LINGO2: variants seen among roughly 807,000 people sequenced by gnomAD.
The protein encoded by LINGO2 is leucine rich repeat and Ig domain containing 2, also known as leucine-rich repeat and immunoglobulin-like domain-containing nogo receptor-interacting protein 2.
A neutral mutation model predicts 30.6 loss-of-function variants in LINGO2; 14 were observed. That is an observed-to-expected ratio of 0.46 (90% confidence interval 0.30 to 0.72). The LOEUF is 0.72. Ranked by LOEUF, LINGO2 falls within the 30% of genes least tolerant of loss-of-function variation. The probability of loss-of-function intolerance (pLI) is 0.07; values close to 1 mark genes in which losing one functional copy is unlikely to be tolerated. For synonymous variants in LINGO2, 317 were observed against 288.5 expected, an observed-to-expected ratio of 1.10 and a Z score of -1.00; for missense variants, 729 against 751.7, an observed-to-expected ratio of 0.97 and a Z score of 0.35.
the LINGO2 span, among the ~76,000 whole-genome samples, chr9:28,953,643 A>G: frequency 3.3e-5 from 5 of 152,092 alleles, no homozygotes; most frequent in African/African-American, 9.7e-5. Context: ...CCTGTGTGAT[A>G]TATTATTTTA....
chr9:28,634,479 TTTTTTC>T (rs1827155311), intron 1 of LINGO2, among the ~76,000 whole-genome samples: 1 of 137,270 alleles, frequency 7.3e-6, no homozygotes, highest in South Asian at 2.2e-4. Flanking sequence ...TTTCTTTTCT[TTTTTTC>T]TTTTTTTTTT....
the LINGO2 span, among the ~76,000 whole-genome samples, chr9:28,708,139 A>G: frequency 1.3e-5 from 2 of 152,186 alleles, no homozygotes; most frequent in Non-Finnish European, 2.9e-5. Flanking sequence ...GTTATGTGAC[A>G]ATAAGAATAA....
chr9:28,539,748 TA>T (rs1821593209), intron 1 of LINGO2, among the ~76,000 whole-genome samples: 1 of 152,216 alleles, frequency 6.6e-6, no homozygotes, highest in African/African-American at 2.4e-5. Context: ...TCCCTGATGC[TA>T]AAAGGACAAG....
intron 4 of LINGO2, among the ~76,000 whole-genome samples, chr9:28,227,911 C>T (rs917115455): frequency 2.6e-5 from 4 of 152,066 alleles, no homozygotes; most frequent in African/African-American, 9.6e-5. Flanking sequence ...AGCAAAAAGC[C>T]ACAACACTTT....
At chr9:28,516,165 G>A (rs182867181) in intron 1 of LINGO2, among the ~76,000 whole-genome samples, 15 of 152,220 alleles carry the variant, frequency 9.9e-5, no homozygotes, top group African/African-American at 3.1e-4. Context: ...ACTTTTATAT[G>A]TACTGGGAAA....
chr9:28,550,918 C>A (rs1358927770), intron 1 of LINGO2, among the ~76,000 whole-genome samples: 1 of 151,516 alleles, frequency 6.6e-6, no homozygotes, highest in African/African-American at 2.4e-5. Context: ...TAAATATGTA[C>A]AAAAGAATGA....
intron 2 of LINGO2, among the ~76,000 whole-genome samples, chr9:28,374,224 A>ATG (rs1821030793): frequency 6.8e-6 from 1 of 146,426 alleles, no homozygotes; most frequent in Non-Finnish European, 1.5e-5. Flanking sequence ...ATATATATAT[A>ATG]TATATATGTA....
chr9:28,136,646 C>T (rs1359031657), intron 4 of LINGO2, among the ~76,000 whole-genome samples: 1 of 152,146 alleles, frequency 6.6e-6, no homozygotes, highest in African/African-American at 2.4e-5. Flanking sequence ...AAACCTTCAT[C>T]AATGTTAGAC....
At chr9:28,314,136 A>C (rs10968489) in intron 3 of LINGO2, among the ~76,000 whole-genome samples, 50,519 of 151,912 alleles carry the variant, frequency 0.33, 9,705 homozygotes, top group Middle Eastern at 0.45. Context: ...GGGTTTCACC[A>C]TGTTAGCCAG....
At chr9:28,139,566 C>T (rs1827617157) in intron 4 of LINGO2, among the ~76,000 whole-genome samples, 1 of 152,086 alleles carries the variant, frequency 6.6e-6, no homozygotes, top group South Asian at 2.1e-4. Context: ...TTTTCCATGG[C>T]TAACAATAGA....
chr9:28,344,841 G>C (rs1819503627), intron 3 of LINGO2, among the ~76,000 whole-genome samples: 1 of 152,070 alleles, frequency 6.6e-6, no homozygotes, highest in Non-Finnish European at 1.5e-5. Flanking sequence ...AGCACCCCTA[G>C]CTTAGCAAAC....
chr9:29,198,974 T>C, the LINGO2 span, among the ~76,000 whole-genome samples: 6 of 152,092 alleles, frequency 3.9e-5, no homozygotes, highest in African/African-American at 1.2e-4. Flanking sequence ...TGTGTCTCAA[T>C]AGGCTACATT....
At chr9:28,837,100 T>A in the LINGO2 span, among the ~76,000 whole-genome samples, 2 of 152,192 alleles carry the variant, frequency 1.3e-5, no homozygotes, top group African/African-American at 2.4e-5. Flanking sequence ...CATAAATATA[T>A]CCCTCTGTTC....
At chr9:28,946,384 G>A in the LINGO2 span, among the ~76,000 whole-genome samples, 1 of 152,148 alleles carries the variant, frequency 6.6e-6, no homozygotes, top group Admixed American at 6.6e-5. Context: ...AGGAGCTTCT[G>A]TAAAATTTTT....
the LINGO2 span, among the ~76,000 whole-genome samples, chr9:28,814,089 T>A: frequency 6.6e-6 from 1 of 152,184 alleles, no homozygotes; most frequent in South Asian, 2.1e-4. Flanking sequence ...CAAGCCTATA[T>A]GGCACATGAG....
intron 2 of LINGO2, among the ~76,000 whole-genome samples, chr9:28,440,765 A>G (rs1824157735): frequency 6.6e-6 from 1 of 152,226 alleles, no homozygotes; most frequent in Admixed American, 6.5e-5. Context: ...ATCAGCTGAA[A>G]CATACTACAT....
At chr9:28,923,457 A>C in the LINGO2 span, among the ~76,000 whole-genome samples, 3 of 152,188 alleles carry the variant, frequency 2.0e-5, no homozygotes, top group Non-Finnish European at 2.9e-5. Context: ...TAGAATAAAT[A>C]AGAGGAAAAA....
the LINGO2 span, among the ~76,000 whole-genome samples, chr9:28,996,448 T>A: frequency 6.6e-6 from 1 of 152,268 alleles, no homozygotes; most frequent in African/African-American, 2.4e-5. Context: ...ATGGCACTCT[T>A]CTATGGAAAT....
rs1827859517 is a variant in LINGO2 at position 28,147,827 on chromosome 9, C to T, written c.-86-135422G>A. The stretch of plus-strand genomic sequence containing the variant: ...CTCTTGTAGGCACCCTCGCTGGGCT[C>T]CTAAGCACTCCTCCACACCCTGGCT... On this transcript the variant is annotated intron_variant, in intron 4 of 5. Coordinates refer to ENST00000379992, the Ensembl canonical transcript of LINGO2. The surrounding 1 kb of genome is among the most constrained non-coding windows in gnomAD (Gnocchi z 4.7). Among the ~76,000 whole-genome samples the T allele has an allele frequency of 6.6e-6, 1 of 152,116 alleles. No homozygotes were observed. The highest frequency in any genetic ancestry group is 2.1e-4 in the South Asian group (1 of 4,832).
Sources: gnomAD v4.1 joint callset for allele counts (sites outside exome capture counted in the v4.1 genomes callset) on GRCh38, gnomAD v4.1.1 for gene constraint, Gnocchi (gnomAD v3.1) non-coding constraint, MANE v1.5 for transcripts, NCBI Gene and HGNC (gene_info 2026-07-23, HGNC 2026-07-21) for gene names.